The following CFTR variants were observed in gnomAD, a reference collection of about 807,000 sequenced individuals.
CFTR encodes the protein cystic fibrosis transmembrane conductance regulator.
A neutral mutation model predicts 171.6 loss-of-function variants in CFTR; 181 were observed. That is an observed-to-expected ratio of 1.05 (90% CI 0.93 to 1.19). CFTR has a LOEUF of 1.19. CFTR is among the 50% of genes most tolerant of loss of function. The pLI, the probability that CFTR is intolerant of heterozygous loss-of-function variation, is 0.00. For missense variants in CFTR, 1,968 were observed against 1,734.7 expected (o/e 1.13, Z -2.39); for synonymous variants, 583 against 608.0 (o/e 0.96, Z 0.60).
chr7:117,523,295 G>C (rs1301623131), intron 3 of CFTR, among the ~76,000 whole-genome samples: 1 of 152,066 alleles, frequency 6.6e-6, no homozygotes, highest in Admixed American at 6.5e-5. Context: ...GTAGTGTGTT[G>C]TGATGGCACC....
Position 117,486,439 on chromosome 7 carries a change from T to A in CFTR, c.53+6292T>A, listed in dbSNP as rs556590544. ...CGAGGGCTTCATTGAAGTACTCAACTGGGGCACTTAACCCAGTCTAAGGCT... is the reference window on the plus strand; with the variant it reads ...CGAGGGCTTCATTGAAGTACTCAACAGGGGCACTTAACCCAGTCTAAGGCT... On this transcript the variant is annotated intron_variant, in intron 1 of 26. Transcript: ENST00000003084. Among the ~76,000 whole-genome samples, 3 of 152,252 alleles carry A rather than the reference T, an allele frequency of 2.0e-5. 1 individual carries two copies. In the East Asian group the frequency reaches 5.8e-4, roughly 29 times the overall value.
intron 20 of CFTR, among the ~76,000 whole-genome samples, chr7:117,612,518 CTAATT>C (rs1197374853): frequency 1.3e-5 from 2 of 152,002 alleles, no homozygotes; most frequent in African/African-American, 2.4e-5. Context: ...ATTTGTTTCT[CTAATT>C]TAAGAATTTG....
intron 11 of CFTR, among the ~76,000 whole-genome samples, chr7:117,562,355 T>C (rs186137514): frequency 6.6e-6 from 1 of 152,144 alleles, no homozygotes. Flanking sequence ...TGAAAAAGCA[T>C]CAATATGAAT....
intron 3 of CFTR, among the ~76,000 whole-genome samples, chr7:117,514,292 T>C (rs1180243766): frequency 6.6e-6 from 1 of 151,862 alleles, no homozygotes; most frequent in Admixed American, 6.6e-5. Flanking sequence ...TGACCCATCC[T>C]CTAAGTTCCC....
intron 1 of CFTR, among the ~76,000 whole-genome samples, chr7:117,493,032 A>G (rs984615644): frequency 6.6e-6 from 1 of 152,086 alleles, no homozygotes; most frequent in African/African-American, 2.4e-5. Context: ...AGTTTCATTC[A>G]GCGGGAGCTC....
intron 11 of CFTR, among the ~76,000 whole-genome samples, chr7:117,568,231 C>A (rs1189808396): frequency 6.6e-6 from 1 of 152,088 alleles, no homozygotes; most frequent in Non-Finnish European, 1.5e-5. Context: ...CAGTTATATC[C>A]AGACCTTTAT....
intron 9 of CFTR, among the ~76,000 whole-genome samples, chr7:117,545,099 G>A (rs925867003): frequency 1.3e-5 from 2 of 152,226 alleles, no homozygotes; most frequent in African/African-American, 4.8e-5. Context: ...TGTGACTGGG[G>A]AGGCCTCACA....
intron 24 of CFTR, among the ~76,000 whole-genome samples, chr7:117,659,818 A>G (rs1258794990): frequency 6.6e-6 from 1 of 152,244 alleles, no homozygotes; most frequent in Non-Finnish European, 1.5e-5. Flanking sequence ...ACCCTGAAAA[A>G]TCTACAGAGT....
intron 14 of CFTR, among the ~76,000 whole-genome samples, chr7:117,593,149 C>CT (rs1035899556): frequency 1.3e-4 from 20 of 151,912 alleles, no homozygotes; most frequent in African/African-American, 2.7e-4. Flanking sequence ...CTAGTGTGGG[C>CT]TTTTTTTTAT....
At chr7:117,490,389 A>G (rs1798140955) in intron 1 of CFTR, among the ~76,000 whole-genome samples, 1 of 151,028 alleles carries the variant, frequency 6.6e-6, no homozygotes, top group African/African-American at 2.4e-5. Context: ...CATGATTATG[A>G]TGGCTAACAA....
chr7:117,600,045 T>A (rs1792199066), intron 15 of CFTR, among the ~76,000 whole-genome samples: 1 of 152,098 alleles, frequency 6.6e-6, no homozygotes, highest in Non-Finnish European at 1.5e-5. Flanking sequence ...AATTTAGATT[T>A]TTTTTTATAG....
intron 12 of CFTR, 92 bp from the exon 13 acceptor site, chr7:117,590,261 A>G (rs1792004974): frequency 6.9e-7 from 1 of 1,445,510 alleles, no homozygotes; most frequent in African/African-American, 1.4e-5. Context: ...CCATATTGTA[A>G]TGCATGTAGT....
chr7:117,540,025 AT>A, intron 7 of CFTR, 74 bp from the exon 8 acceptor site: 1 of 1,271,982 alleles, frequency 7.9e-7, no homozygotes, highest in East Asian at 2.5e-5. Flanking sequence ...CCATGCTCAG[AT>A]CTTCCATTCC....
In CFTR at chr7:117,574,937, T is replaced by G. The variant is rs775200471; in HGVS notation, c.1585-12802T>G. Among the ~76,000 whole-genome samples the G allele has an allele frequency of 5.5e-4, 84 of 152,154 alleles. 1 individual carries two copies. The highest frequency in any genetic ancestry group is 5.6e-4 in the Non-Finnish European group (38 of 68,002). On this transcript the variant is annotated intron_variant, in intron 11 of 26. Transcript: ENST00000003084. ...TGCTGCTGGTATGTAGAATTCTATTTCATTCTTTTTTCATTGTTGTTTTGT... is the reference window on the plus strand; with the variant it reads ...TGCTGCTGGTATGTAGAATTCTATTGCATTCTTTTTTCATTGTTGTTTTGT...
chr7:117,665,330 C>T (rs1793355638), intron 25 of CFTR, 129 bp from the exon 26 acceptor site: 2 of 664,476 alleles, frequency 3.0e-6, no homozygotes, highest in South Asian at 1.9e-5. Flanking sequence ...GCTATATCAA[C>T]ATTATGTGAA....
At chr7:117,501,772 G>GAAAAAAA (rs1798332750) in intron 1 of CFTR, among the ~76,000 whole-genome samples, 2 of 73,576 alleles carry the variant, frequency 2.7e-5, no homozygotes, top group Non-Finnish European at 2.9e-5. Flanking sequence ...AAAAAAAAAA[G>GAAAAAAA]AAACAAAAAA....
chr7:117,653,090 A>T (rs544445079), intron 24 of CFTR, among the ~76,000 whole-genome samples, 159 bp downstream of exon 24: 1 of 152,190 alleles, frequency 6.6e-6, no homozygotes, highest in Admixed American at 6.5e-5. Context: ...GGTACTTTTG[A>T]CTGGACCTAC....
At chr7:117,563,178 C>T (rs997016678) in intron 11 of CFTR, among the ~76,000 whole-genome samples, 5 of 152,106 alleles carry the variant, frequency 3.3e-5, no homozygotes, top group Non-Finnish European at 7.4e-5. Flanking sequence ...GTTACTTAAC[C>T]TTGCTATGTC....
intron 23 of CFTR, among the ~76,000 whole-genome samples, chr7:117,648,814 A>T (rs1485955032): frequency 6.6e-6 from 1 of 152,140 alleles, no homozygotes; most frequent in Non-Finnish European, 1.5e-5. Flanking sequence ...GAAGCAAGAG[A>T]GTGCCAGGTA....
Sources: gnomAD v4.1 joint callset for allele counts (sites outside exome capture counted in the v4.1 genomes callset) on GRCh38, gnomAD v4.1.1 for gene constraint, MANE v1.5 for transcripts, NCBI Gene and HGNC (gene_info 2026-07-23, HGNC 2026-07-21) for gene names.